VIT: variants seen among roughly 807,000 people sequenced by gnomAD.
VIT encodes the protein vitrin.
In VIT, 99 loss-of-function variants were observed where a neutral mutation model predicts 78.0. The observed-to-expected ratio is 1.27, with a 90% CI of 1.08 to 1.50. The LOEUF (loss-of-function observed/expected upper bound fraction) is 1.50, where lower values mean the gene tolerates loss of function less well. VIT is among the 40% of genes most tolerant of loss of function. VIT has a pLI of 0.00. For synonymous variants in VIT, 374 were observed against 334.3 expected (o/e 1.12, Z -1.29); for missense variants, 1,126 against 875.3 (o/e 1.29, Z -3.61).
chr2:36,707,112 C>G (rs1665476482), intron 1 of VIT, among the ~76,000 whole-genome samples: 2 of 152,196 alleles, frequency 1.3e-5, no homozygotes, highest in Admixed American at 6.5e-5. Flanking sequence ...GTTAAAACCA[C>G]TGTATGGACG....
At chr2:36,794,800 G>A (rs924650340) in intron 12 of VIT, among the ~76,000 whole-genome samples, 1 of 152,110 alleles carries the variant, frequency 6.6e-6, no homozygotes, top group Non-Finnish European at 1.5e-5. Flanking sequence ...TGTGGTAGAG[G>A]TTCTGTTCTT....
chr2:36,724,100 C>A (rs1057406982), intron 2 of VIT, among the ~76,000 whole-genome samples: 1 of 151,880 alleles, frequency 6.6e-6, no homozygotes, highest in Non-Finnish European at 1.5e-5. Context: ...CTCATTGCAA[C>A]CTCCACCTTC....
At chr2:36,741,647 G>C (rs1667842558) in intron 3 of VIT, among the ~76,000 whole-genome samples, 1 of 152,212 alleles carries the variant, frequency 6.6e-6, no homozygotes, top group Admixed American at 6.5e-5. Context: ...AACCCAGTTA[G>C]AGGGTGGGTG....
intron 9 of VIT, among the ~76,000 whole-genome samples, chr2:36,780,032 T>G (rs1330120988): frequency 6.6e-6 from 1 of 152,206 alleles, no homozygotes; most frequent in Non-Finnish European, 1.5e-5. Flanking sequence ...CTGTTCCTCC[T>G]TGACGCCAGA....
intron 15 of VIT, 107 bp from the exon 16 acceptor site, chr2:36,814,076 T>C: frequency 1.5e-6 from 2 of 1,368,228 alleles, no homozygotes; most frequent in Non-Finnish European, 9.9e-7. Context: ...TTTGGGCATA[T>C]TTCTGATTTT....
At chr2:36,699,981 T>C (rs966447697) in intron 1 of VIT, among the ~76,000 whole-genome samples, 8 of 151,446 alleles carry the variant, frequency 5.3e-5, no homozygotes, top group South Asian at 2.1e-4. Context: ...CCCACAGAGC[T>C]GTGGCAAAGA....
At chr2:36,735,444 C>T (rs1573184219) in intron 3 of VIT, among the ~76,000 whole-genome samples, 1 of 152,198 alleles carries the variant, frequency 6.6e-6, no homozygotes, top group East Asian at 1.9e-4. Flanking sequence ...AATTCAAATT[C>T]CTTACTTACA....
At chr2:36,794,120 G>C (rs148320293) in intron 12 of VIT, among the ~76,000 whole-genome samples, 1 of 152,280 alleles carries the variant, frequency 6.6e-6, no homozygotes, top group East Asian at 1.9e-4. Flanking sequence ...ATTTCTGACA[G>C]GTGTTTGCTT....
intron 1 of VIT, among the ~76,000 whole-genome samples, chr2:36,703,971 C>T (rs1665247096): frequency 7.2e-6 from 1 of 138,936 alleles, no homozygotes; most frequent in South Asian, 2.4e-4. Context: ...TGTCGCCAGG[C>T]TGGAGTGCAG....
At chr2:36,770,901 G>A (rs1331685555) in intron 7 of VIT, among the ~76,000 whole-genome samples, 1 of 152,220 alleles carries the variant, frequency 6.6e-6, no homozygotes, top group Non-Finnish European at 1.5e-5. Flanking sequence ...CCTAGTGGCA[G>A]GGAATAGCGA....
intron 9 of VIT, among the ~76,000 whole-genome samples, chr2:36,781,250 A>G (rs768776704): frequency 3.3e-5 from 5 of 152,224 alleles, no homozygotes; most frequent in South Asian, 2.1e-4. Flanking sequence ...TGAGTGCTTA[A>G]TAAGTGTGGA....
At chr2:36,813,034 T>G (rs1480204237) in intron 15 of VIT, among the ~76,000 whole-genome samples, 1 of 77,328 alleles carries the variant, frequency 1.3e-5, no homozygotes, top group African/African-American at 3.9e-5. Flanking sequence ...GCTAATTTTT[T>G]GCAAAAAAAA....
At chr2:36,790,579 G>A (rs149324902) in intron 12 of VIT, among the ~76,000 whole-genome samples, 65 of 152,304 alleles carry the variant, frequency 4.3e-4, no homozygotes, top group African/African-American at 1.4e-3. Context: ...CAGGAATAGA[G>A]GCAGCTTTTG....
chr2:36,759,347 T>C (rs933203072), intron 6 of VIT: 11 of 1,420,240 alleles, frequency 7.7e-6, no homozygotes, highest in Admixed American at 2.9e-5. Flanking sequence ...GAAAATGACA[T>C]GACATTCTGT....
intron 12 of VIT, among the ~76,000 whole-genome samples, chr2:36,790,971 C>A (rs1665456516): frequency 6.6e-6 from 1 of 152,200 alleles, no homozygotes; most frequent in South Asian, 2.1e-4. Flanking sequence ...TGCATTTCAG[C>A]TGCATCCCGG....
At chr2:36,796,173 A>G (rs1473180259) in intron 12 of VIT, among the ~76,000 whole-genome samples, 1 of 152,048 alleles carries the variant, frequency 6.6e-6, no homozygotes, top group Non-Finnish European at 1.5e-5. Flanking sequence ...AAAGAAATTT[A>G]TGGTCATGTT....
chr2:36,813,679 T>C (rs1005956493), intron 15 of VIT, among the ~76,000 whole-genome samples: 1 of 152,174 alleles, frequency 6.6e-6, no homozygotes, highest in African/African-American at 2.4e-5. Context: ...CCTAAAGTGA[T>C]TCCATTCCAC....
At chr2:36,760,461 T>C (rs1669046450) in intron 6 of VIT, among the ~76,000 whole-genome samples, 1 of 152,232 alleles carries the variant, frequency 6.6e-6, no homozygotes, top group Admixed American at 6.5e-5. Flanking sequence ...CCTGTTTGTT[T>C]AGTTTCAAGG....
intron 15 of VIT, among the ~76,000 whole-genome samples, chr2:36,812,380 T>C (rs557700805): frequency 6.6e-6 from 1 of 152,194 alleles, no homozygotes; most frequent in South Asian, 2.1e-4. Flanking sequence ...CCATTTTGCT[T>C]ACCCTACTCA....
Sources: gnomAD v4.1 joint callset for allele counts (sites outside exome capture counted in the v4.1 genomes callset) on GRCh38, gnomAD v4.1.1 for gene constraint, MANE v1.5 for transcripts, NCBI Gene and HGNC (gene_info 2026-07-23, HGNC 2026-07-21) for gene names.